Variants in PRKAG2 observed in about 807,000 individuals in gnomAD.
The protein encoded by PRKAG2 is protein kinase AMP-activated non-catalytic subunit gamma 2.
PRKAG2 carries 26 observed loss-of-function variants against 69.6 expected under a neutral mutation model. That is an observed-to-expected ratio of 0.37 (90% CI 0.27 to 0.52). The LOEUF is 0.52. PRKAG2 is among the 20% of genes least tolerant of loss of function. The probability of loss-of-function intolerance (pLI) is 0.90; values close to 1 mark genes in which losing one functional copy is unlikely to be tolerated. For missense variants in PRKAG2, 557 were observed against 740.0 expected, an observed-to-expected ratio of 0.75 and a Z score of 2.87; for synonymous variants, 293 against 285.0, an observed-to-expected ratio of 1.03 and a Z score of -0.28.
intron 3 of PRKAG2, among the ~76,000 whole-genome samples, chr7:151,721,221 C>T (rs1441191113): frequency 6.6e-6 from 1 of 152,058 alleles, no homozygotes; most frequent in Non-Finnish European, 1.5e-5. Context: ...CCCATCCCTG[C>T]AGCCACCCAT....
chr7:151,592,374 C>T (rs1451519861), intron 6 of PRKAG2, among the ~76,000 whole-genome samples: 6 of 152,180 alleles, frequency 3.9e-5, no homozygotes, highest in Non-Finnish European at 8.8e-5. Flanking sequence ...AGGGTGATTC[C>T]AGTATTAAAC....
chr7:151,632,185 G>T lies in PRKAG2; in HGVS notation c.685-47C>A, dbSNP rs1010087615. 3.3e-6 allele frequency: 4 copies of T among 1,227,404 alleles called. No homozygotes were observed. The Admixed American group carries it at 1.1e-4, about 34-fold the overall frequency. The allele number at this position is 1,227,404 out of a possible 1,614,324, so 76.0% of individuals were successfully genotyped here. ...GCGATCAGCATGAGCTGCGACGCTC[G>T]TCCCCGGCCGGCGGGCTCGCGGCCG... On this transcript the variant is annotated intron_variant, in intron 4 of 15. Transcript: ENST00000287878. This position sits in a 1 kb window ranked among gnomAD's most constrained non-coding sequence, Gnocchi z 4.2.
intron 3 of PRKAG2, among the ~76,000 whole-genome samples, chr7:151,698,007 G>T (rs1836984238): frequency 6.6e-6 from 1 of 152,152 alleles, no homozygotes; most frequent in South Asian, 2.1e-4. Flanking sequence ...GTTTTCCTCT[G>T]TGCCAGCCCC....
At chr7:151,805,797 A>T (rs1237884850) in intron 1 of PRKAG2, among the ~76,000 whole-genome samples, 2 of 152,256 alleles carry the variant, frequency 1.3e-5, no homozygotes, top group African/African-American at 4.8e-5. Context: ...GAGAGGAAAG[A>T]GGCAGATTCC....
chr7:151,589,657 C>T (rs539793938), intron 6 of PRKAG2, among the ~76,000 whole-genome samples: 182 of 152,304 alleles, frequency 1.2e-3, no homozygotes, highest in South Asian at 4.4e-3. Flanking sequence ...GCACCACGGC[C>T]GGGCACGGTG....
chr7:151,568,081 C>T (rs1806676186), intron 11 of PRKAG2, among the ~76,000 whole-genome samples: 1 of 152,352 alleles, frequency 6.6e-6, no homozygotes, highest in South Asian at 2.1e-4. Flanking sequence ...ACATAAAAAG[C>T]CTCTTATAAA....
At chr7:151,709,053 T>C (rs867589730) in intron 3 of PRKAG2, among the ~76,000 whole-genome samples, 10 of 152,120 alleles carry the variant, frequency 6.6e-5, no homozygotes, top group African/African-American at 2.2e-4. Flanking sequence ...ACTGTCACAG[T>C]GCATGACATT....
intron 5 of PRKAG2, among the ~76,000 whole-genome samples, chr7:151,618,838 T>C (rs1027835566): frequency 2.0e-5 from 3 of 152,152 alleles, no homozygotes; most frequent in African/African-American, 7.2e-5. Context: ...CAAAGGCAAA[T>C]CTTAAACATA....
In PRKAG2 at chr7:151,876,988, G is replaced by A. The variant is rs543622174; in HGVS notation, c.-368C>T. ...CGGCTCCTCCCACAGATTCCCAGAG[G>A]TAATCTGAAAGGCAGGTGCAATTAA... On this transcript the variant is annotated 5_prime_UTR_variant, in exon 1 of 16. Coordinates refer to ENST00000287878, the MANE Select transcript of PRKAG2 (RefSeq NM_016203.4). The A allele has an allele frequency of 7.6e-4, 273 of 359,570 alleles. 3 individuals carry two copies. Among genetic ancestry groups the A allele is most frequent in the South Asian group, 6.7e-3 (266 of 39,992 alleles). 22.3% of individuals were successfully genotyped at this position (359,570 alleles called of 1,614,324 possible). A position where few individuals can be genotyped will look rare whatever the true frequency, so the allele number is the denominator to read the frequency against.
chr7:151,623,651 A>G (rs1322114436), intron 5 of PRKAG2, among the ~76,000 whole-genome samples: 1 of 152,180 alleles, frequency 6.6e-6, no homozygotes. Flanking sequence ...GCTAGGTACT[A>G]TTATTATTTC....
At chr7:151,737,313 C>A (rs867079085) in intron 3 of PRKAG2, among the ~76,000 whole-genome samples, 56 of 146,998 alleles carry the variant, frequency 3.8e-4, no homozygotes, top group African/African-American at 1.4e-3. Flanking sequence ...CAAGACCAGC[C>A]AGGGCAACAC....
intron 4 of PRKAG2, among the ~76,000 whole-genome samples, chr7:151,633,836 T>A (rs1825268560): frequency 6.6e-6 from 1 of 152,206 alleles, no homozygotes; most frequent in South Asian, 2.1e-4. Context: ...TTTGGTTTAA[T>A]GCAATTGCTA....
Position 151,627,276 on chromosome 7 carries a change from C to T in PRKAG2, c.754+4793G>A, listed in dbSNP as rs561641560. On this transcript the variant is annotated intron_variant, in intron 5 of 15. Coordinates refer to ENST00000287878, the MANE Select transcript of PRKAG2 (RefSeq NM_016203.4). ...TTTCTTTCCCTCCTACGAAAAGTGG[C>T]CCCTACTTTTACCTATTTTGATCAC... is the stretch of plus-strand genomic sequence containing the variant. 2.6e-5 allele frequency among the ~76,000 whole-genome samples: 4 copies of T among 152,282 alleles called. No homozygotes were observed. The South Asian group carries it at 8.3e-4, about 32-fold the overall frequency.
intron 1 of PRKAG2, among the ~76,000 whole-genome samples, chr7:151,787,389 G>A (rs893692338): frequency 1.3e-5 from 2 of 150,792 alleles, no homozygotes; most frequent in Non-Finnish European, 2.9e-5. Flanking sequence ...TCCCCCTAGT[G>A]CTTGGCAACC....
Position 151,807,480 on chromosome 7 carries a change from G to A in PRKAG2, c.115-20939C>T, listed in dbSNP as rs976727383. On this transcript the variant is annotated intron_variant, in intron 1 of 15. Transcript: ENST00000287878. This position sits in a 1 kb window ranked among gnomAD's most constrained non-coding sequence, Gnocchi z 4.4. ...TCTTGGTGCCAAAGCACCATGGCGT[G>A]TTACACCTATCAGATCGGGCACACT... 1.1e-5 allele frequency: 5 copies of A among 457,754 alleles called. No homozygotes were observed. Among genetic ancestry groups the A allele is most frequent in the Non-Finnish European group, 2.2e-5 (5 of 226,998 alleles). 28.4% of individuals were successfully genotyped at this position (457,754 alleles called of 1,614,324 possible).
rs2078589390 is a variant in PRKAG2 at position 151,814,732 on chromosome 7, GAC to G, written c.115-28193_115-28192del. ...TGGCAGACAGCATGGGCTGGCCTAA[GAC>G]AGCGCAGGCAACGGTCTTGGTGGCT... On this transcript the variant is annotated intron_variant, in intron 1 of 15. Coordinates refer to ENST00000287878, the MANE Select transcript of PRKAG2 (RefSeq NM_016203.4). The surrounding 1 kb of genome is among the most constrained non-coding windows in gnomAD (Gnocchi z 4.8). 8 of 1,231,652 alleles carry G rather than the reference GAC, an allele frequency of 6.5e-6. 1 individual carries two copies. In the South Asian group the frequency reaches 3.3e-4, roughly 51 times the overall value. 76.3% of individuals were successfully genotyped at this position (1,231,652 alleles called of 1,614,324 possible). A position where few individuals can be genotyped will look rare whatever the true frequency, so the allele number is the denominator to read the frequency against.
At chr7:151,730,087 G>A (rs1221028460) in intron 3 of PRKAG2, among the ~76,000 whole-genome samples, 1 of 152,212 alleles carries the variant, frequency 6.6e-6, no homozygotes, top group Admixed American at 6.5e-5. Context: ...GACATGGCAG[G>A]TGGTAATGCC....
intron 4 of PRKAG2, among the ~76,000 whole-genome samples, chr7:151,662,170 A>G (rs1195406100): frequency 6.6e-6 from 1 of 152,162 alleles, no homozygotes; most frequent in African/African-American, 2.4e-5. Context: ...CAGAGTCTTG[A>G]TTTGGTTGAC....
At chr7:151,843,711 A>G (rs1429558925) in intron 1 of PRKAG2, among the ~76,000 whole-genome samples, 1 of 152,254 alleles carries the variant, frequency 6.6e-6, no homozygotes, top group Non-Finnish European at 1.5e-5. Context: ...GAGACCACTT[A>G]TCACCAAATT....
Sources: allele counts gnomAD v4.1 joint callset (sites outside exome capture counted in the v4.1 genomes callset), GRCh38; gene constraint gnomAD v4.1.1; non-coding constraint Gnocchi (gnomAD v3.1); transcripts MANE v1.5; gene names NCBI Gene and HGNC (gene_info 2026-07-23, HGNC 2026-07-21).